The following KIF1A variants were observed in gnomAD, a reference collection of about 807,000 sequenced individuals.
KIF1A encodes the protein kinesin-like protein KIF1A.
In KIF1A, 46 loss-of-function variants were observed where a neutral mutation model predicts 227.3. The observed-to-expected ratio is 0.20, with a 90% confidence interval of 0.16 to 0.26. The LOEUF (loss-of-function observed/expected upper bound fraction) is 0.26. KIF1A is among the 10% of genes least tolerant of loss of function. The pLI is 1.00. For synonymous variants in KIF1A, 1,022 were observed against 1,012.8 expected, an observed-to-expected ratio of 1.01 and a Z score of -0.17; for missense variants, 1,683 against 2,485.9, an observed-to-expected ratio of 0.68 and a Z score of 6.87.
rs111963970 is a variant in KIF1A, at chr2:240,797,779, C to T, written c.-27G>A. 113 of 1,470,356 alleles carry T rather than the reference C, an allele frequency of 7.7e-5. No individual in the cohort carries two copies. Among genetic ancestry groups the T allele is most frequent in the African/African-American group, 3.2e-4 (23 of 72,460 alleles). 91.1% of individuals were successfully genotyped at this position (1,470,356 alleles called of 1,614,324 possible). ...TCTGTGGCCTTCGTGGGTCACTCCT[C>T]GCAGTAGTGGGAGCCCCAGTGTGGG... On this transcript the variant is annotated 5_prime_UTR_variant, in exon 2 of 49. Coordinates refer to ENST00000498729, the MANE Select transcript of KIF1A (RefSeq NM_001244008.2).
Position 240,722,660 on chromosome 2 carries a change from C to T in KIF1A, c.4465-4G>A, listed in dbSNP as rs2045545035. The T allele has an allele frequency of 1.3e-6, 2 of 1,517,152 alleles. No individual in the cohort carries two copies. The highest frequency in any genetic ancestry group is 1.4e-5 in the African/African-American group (1 of 72,290). The allele number at this position is 1,517,152 out of a possible 1,614,324, so 94.0% of individuals were successfully genotyped here. On this transcript the variant is annotated splice_polypyrimidine_tract_variant and splice_region_variant and intron_variant, in intron 42 of 48. Coordinates refer to ENST00000498729, the MANE Select transcript of KIF1A (RefSeq NM_001244008.2). ...GGTAGTGCCTAGTCTTCTCCACCTT[C>T]AGACAGGACACAAGGCCTTACCTGC...
intron 2 of KIF1A, among the ~76,000 whole-genome samples, chr2:240,795,990 T>C (rs1048647110): frequency 2.0e-5 from 3 of 152,162 alleles, no homozygotes; most frequent in African/African-American, 7.2e-5. Context: ...GAGGTGGCAA[T>C]TGTGCTGCCG....
At chr2:240,728,249 C>T (rs569879727) in intron 38 of KIF1A, 31 of 483,064 alleles carry the variant, frequency 6.4e-5, no homozygotes, top group Non-Finnish European at 8.8e-5. Flanking sequence ...CACATGTCAC[C>T]GAGGAGCAAT....
rs74002922 is a variant in KIF1A at position 240,786,220 on chromosome 2, G to A, written c.608+115C>T. 0.26 allele frequency: 270,960 copies of A among 1,036,674 alleles called. 37,000 individuals are homozygous for A. Among genetic ancestry groups the A allele is most frequent in the Non-Finnish European group, 0.28 (192,454 of 693,516 alleles). 64.2% of individuals were successfully genotyped at this position (1,036,674 alleles called of 1,614,324 possible). ...CTCGGGCTCAGGAGGCCACACCTCC[G>A]CGGGGGCACAGATGGACCCTACCAA... On this transcript the variant is annotated intron_variant, in intron 6 of 48. Transcript: ENST00000498729.
intron 1 of KIF1A, among the ~76,000 whole-genome samples, chr2:240,815,070 T>C (rs972987135): frequency 5.3e-5 from 8 of 152,210 alleles, no homozygotes; most frequent in Non-Finnish European, 1.5e-5. Context: ...CTACTTGTCC[T>C]AGAGCTGCAG....
At chr2:240,769,473 C>G (rs1022650398) in intron 16 of KIF1A, among the ~76,000 whole-genome samples, 154 bp downstream of exon 16, 1 of 152,226 alleles carries the variant, frequency 6.6e-6, no homozygotes, top group African/African-American at 2.4e-5. Context: ...GGGTCATTGG[C>G]GATGAGGGAA....
rs2052997031 is a variant in KIF1A at position 240,777,941 on chromosome 2, G to A, written c.883-2015C>T. ...ACACAGACAGTCACGCGGTTCCCACGCGGTGCTTCCACATGTCAGTCCCGC... is the reference window on the plus strand; with the variant it reads ...ACACAGACAGTCACGCGGTTCCCACACGGTGCTTCCACATGTCAGTCCCGC... On this transcript the variant is annotated intron_variant, in intron 10 of 48. Coordinates refer to ENST00000498729, the MANE Select transcript of KIF1A (RefSeq NM_001244008.2). 2.0e-5 allele frequency among the ~76,000 whole-genome samples: 3 copies of A among 152,094 alleles called. No homozygotes were observed. The South Asian group carries it at 6.2e-4, about 32-fold the overall frequency.
At chr2:240,814,542 C>T (rs1156385170) in intron 1 of KIF1A, among the ~76,000 whole-genome samples, 2 of 152,158 alleles carry the variant, frequency 1.3e-5, no homozygotes, top group East Asian at 3.8e-4. Context: ...GCTCTAGGGT[C>T]CAAGAAACAG....
rs1443364884 is a variant in KIF1A, at chr2:240,716,195, C to CA, written c.*1168dup. On this transcript the variant is annotated 3_prime_UTR_variant, in exon 49 of 49. Coordinates refer to ENST00000498729, the MANE Select transcript of KIF1A (RefSeq NM_001244008.2). ...CATTGCCGACCGACCAGGATACCCC[C>CA]ACCCCATGGGATTTTCTCAGTGGGA... is the stretch of plus-strand genomic sequence containing the variant. 1 of 152,260 alleles carries CA rather than the reference C, an allele frequency of 6.6e-6. No individual in the cohort carries two copies. Among genetic ancestry groups the CA allele is most frequent in the Non-Finnish European group, 1.5e-5 (1 of 68,050 alleles). The allele number at this position is 152,260 out of a possible 1,614,324, so 9.4% of individuals were successfully genotyped here. A position where few individuals can be genotyped will look rare whatever the true frequency, so the allele number is the denominator to read the frequency against.
At chr2:240,734,757 A>T (rs1271654377) in intron 38 of KIF1A, 1 of 1,304,562 alleles carries the variant, frequency 7.7e-7, no homozygotes, top group African/African-American at 1.5e-5. Flanking sequence ...TGCAAAACAC[A>T]AACAATCACA....
chr2:240,739,921 G>A lies in KIF1A; in HGVS notation c.3901+137C>T, dbSNP rs2047754256. On this transcript the variant is annotated intron_variant, in intron 37 of 48. Coordinates refer to ENST00000498729, the MANE Select transcript of KIF1A (RefSeq NM_001244008.2). The surrounding 1 kb of genome is among the most constrained non-coding windows in gnomAD (Gnocchi z 5.6). The stretch of plus-strand genomic sequence containing the variant: ...TTCAGGTGAGGAAGTGAGTCACAGA[G>A]AGATTATGTGACCCGGCCAGGGTCA... 3 of 659,312 alleles carry A rather than the reference G, an allele frequency of 4.6e-6. No individual in the cohort carries two copies. The highest frequency in any genetic ancestry group is 1.8e-5 in the African/African-American group (1 of 55,848). 40.8% of individuals were successfully genotyped at this position (659,312 alleles called of 1,614,324 possible). A position where few individuals can be genotyped will look rare whatever the true frequency, so the allele number is the denominator to read the frequency against.
At chr2:240,782,407 C>T (rs1021427298) in intron 10 of KIF1A, among the ~76,000 whole-genome samples, 183 bp downstream of exon 10, 2 of 152,224 alleles carry the variant, frequency 1.3e-5, no homozygotes, top group Non-Finnish European at 2.9e-5. Context: ...TCCGTCCCCG[C>T]AGGCACAGGC....
chr2:240,719,476 T>C (rs769548723), intron 46 of KIF1A, among the ~76,000 whole-genome samples: 1 of 152,196 alleles, frequency 6.6e-6, no homozygotes. Flanking sequence ...CTGTACCCAG[T>C]GACCACGAGT....
At chr2:240,754,737 A>T (rs987005024) in intron 27 of KIF1A, among the ~76,000 whole-genome samples, 6 of 152,090 alleles carry the variant, frequency 3.9e-5, no homozygotes, top group Non-Finnish European at 7.4e-5. Flanking sequence ...CCAGCCACAG[A>T]CACACCCAAC....
intron 6 of KIF1A, 46 bp from the exon 7 acceptor site, chr2:240,785,146 G>T (rs553956133): frequency 5.3e-6 from 8 of 1,508,738 alleles, no homozygotes; most frequent in Non-Finnish European, 7.3e-6. Flanking sequence ...TCCTGTGGCC[G>T]GGTGCGAGAT....
intron 1 of KIF1A, among the ~76,000 whole-genome samples, chr2:240,815,214 C>T (rs975700815): frequency 2.6e-5 from 4 of 152,154 alleles, no homozygotes; most frequent in East Asian, 1.9e-4. Context: ...GGAGCCACAC[C>T]GACCCATGAC....
intron 1 of KIF1A, among the ~76,000 whole-genome samples, 193 bp downstream of exon 1, chr2:240,819,929 G>A (rs2058610674): frequency 6.6e-6 from 1 of 152,170 alleles, no homozygotes; most frequent in Non-Finnish European, 1.5e-5. Context: ...ATTGTTCTCT[G>A]CGGAGATGGA....
intron 45 of KIF1A, 121 bp from the exon 46 acceptor site, chr2:240,720,047 T>C: frequency 2.1e-6 from 2 of 957,590 alleles, no homozygotes; most frequent in Non-Finnish European, 2.9e-6. Context: ...TCGCAGGGTC[T>C]CTCCAGCTGT....
At chr2:240,750,799 A>T (rs1027551125) in intron 27 of KIF1A, among the ~76,000 whole-genome samples, 32 of 147,256 alleles carry the variant, frequency 2.2e-4, no homozygotes, top group African/African-American at 7.5e-4. Flanking sequence ...GGCACAGTCC[A>T]GCTGGGCCCG....
Sources: gnomAD v4.1 joint callset for allele counts (sites outside exome capture counted in the v4.1 genomes callset) on GRCh38, gnomAD v4.1.1 for gene constraint, Gnocchi (gnomAD v3.1) non-coding constraint, MANE v1.5 for transcripts, NCBI Gene and HGNC (gene_info 2026-07-23, HGNC 2026-07-21) for gene names.